The following TUT4 variants were observed in gnomAD, a reference collection of about 807,000 sequenced individuals.
TUT4 encodes the protein terminal uridylyltransferase 4.
A neutral mutation model predicts 192.2 loss-of-function variants in TUT4; 36 were observed. The ratio of observed to expected loss-of-function variants is 0.19; its 90% CI spans 0.14 to 0.25. TUT4 has a LOEUF of 0.25. Among genes scored for constraint, TUT4 ranks in the 10% least tolerant of loss-of-function variants. The pLI, the probability that TUT4 is intolerant of heterozygous loss-of-function variation, is 1.00. For missense variants in TUT4, 1,493 were observed against 1,957.2 expected, an observed-to-expected ratio of 0.76 and a Z score of 4.47; for synonymous variants, 618 against 666.0, an observed-to-expected ratio of 0.93 and a Z score of 1.11.
At position 52,547,064 on chromosome 1, in the gene TUT4, A is replaced by G. The variant is rs143798146; in HGVS notation, c.-94+5867T>C. Among the ~76,000 whole-genome samples, 501 of 151,292 alleles carry G rather than the reference A, an allele frequency of 3.3e-3. 4 individuals are homozygous for G. Among genetic ancestry groups the G allele is most frequent in the African/African-American group, 0.011 (464 of 41,140 alleles). On this transcript the variant is annotated intron_variant, in intron 1 of 29. Coordinates refer to ENST00000257177, the MANE Select transcript of TUT4 (RefSeq NM_001009881.3). ...GAGGCTAAGGCAGGAGGATCGCTTG[A>G]GGCCCAGGAGGTGGAGGCCAGAAGG... is the stretch of plus-strand genomic sequence containing the variant.
rs529564497 is a variant in TUT4 at position 52,451,672 on chromosome 1, G to T, written c.3436-5005C>A. ...GCCTGGCCAACATTGGTGAAACGCTGTCTCTACTAAAAATACAAAAATGAG... is the reference window on the plus strand; with the variant it reads ...GCCTGGCCAACATTGGTGAAACGCTTTCTCTACTAAAAATACAAAAATGAG... On this transcript the variant is annotated intron_variant, in intron 20 of 29. Coordinates refer to ENST00000257177, the MANE Select transcript of TUT4 (RefSeq NM_001009881.3). Among the ~76,000 whole-genome samples, 9 of 152,126 alleles carry T rather than the reference G, an allele frequency of 5.9e-5. No individual in the cohort carries two copies. The South Asian group carries it at 1.9e-3, about 32-fold the overall frequency.
At chr1:52,486,074 G>A (rs1046210672) in intron 9 of TUT4, among the ~76,000 whole-genome samples, 1 of 152,014 alleles carries the variant, frequency 6.6e-6, no homozygotes. Context: ...AAAATATTAA[G>A]ACAAGGGTAA....
chr1:52,499,947 T>TACACAC lies in TUT4; in HGVS notation c.1000-2770_1000-2765dup, dbSNP rs529026224. On this transcript the variant is annotated intron_variant, in intron 4 of 29. Transcript: ENST00000257177. ...ATATATACATATATATACATATATA[T>TACACAC]ACACACACACACATATATATATAAG... Among the ~76,000 whole-genome samples, 3 of 150,648 alleles carry TACACAC rather than the reference T, an allele frequency of 2.0e-5. 1 individual carries two copies. The highest frequency in any genetic ancestry group is 4.4e-5 in the Non-Finnish European group (3 of 67,782).
chr1:52,496,631 T>C (rs1672511527), intron 5 of TUT4, among the ~76,000 whole-genome samples: 1 of 152,126 alleles, frequency 6.6e-6, no homozygotes, highest in Non-Finnish European at 1.5e-5. Context: ...TTAAAGTAAA[T>C]TAATTTTTCC....
chr1:52,461,455 G>C, intron 18 of TUT4, 58 bp downstream of exon 18: 1 of 1,484,832 alleles, frequency 6.7e-7, no homozygotes, highest in Non-Finnish European at 9.3e-7. Flanking sequence ...CATAGAGTCA[G>C]TAATCTGTAA....
chr1:52,501,858 A>G (rs1674187483), intron 4 of TUT4, among the ~76,000 whole-genome samples: 1 of 152,222 alleles, frequency 6.6e-6, no homozygotes, highest in African/African-American at 2.4e-5. Flanking sequence ...TAAAGGATAA[A>G]TAATGTATGA....
At chr1:52,455,152 C>T (rs917122619) in intron 20 of TUT4, among the ~76,000 whole-genome samples, 7 of 152,006 alleles carry the variant, frequency 4.6e-5, no homozygotes, top group East Asian at 1.9e-4. Flanking sequence ...GACATGGTGG[C>T]TCATGTCTGT....
intron 4 of TUT4, among the ~76,000 whole-genome samples, chr1:52,508,327 CAAAA>C (rs34321361): frequency 1.3e-5 from 1 of 78,644 alleles, no homozygotes; most frequent in Non-Finnish European, 2.7e-5. Context: ...ACTCTGTCTC[CAAAA>C]AAAAAAAAAA....
At chr1:52,492,138 T>TA (rs1671316680) in intron 7 of TUT4, among the ~76,000 whole-genome samples, 3 of 152,116 alleles carry the variant, frequency 2.0e-5, no homozygotes, top group Admixed American at 2.0e-4. Flanking sequence ...GTAGTAAACT[T>TA]AAAAGTTTTT....
intron 4 of TUT4, among the ~76,000 whole-genome samples, chr1:52,500,988 T>C (rs890589296): frequency 2.6e-5 from 4 of 152,002 alleles, no homozygotes; most frequent in Non-Finnish European, 4.4e-5. Context: ...AACTAAGAAA[T>C]GTAAAATCAT....
In TUT4 at chr1:52,477,417, A is replaced by T. The variant is rs181672127; in HGVS notation, c.2023+291T>A. ...TGAGACCCCCATCTCTACAAAAAATAAAAAAAATTAGCTGGGCATGGTAGC... is the reference window on the plus strand; with the variant it reads ...TGAGACCCCCATCTCTACAAAAAATTAAAAAAATTAGCTGGGCATGGTAGC... On this transcript the variant is annotated intron_variant, in intron 12 of 29. Transcript: ENST00000257177. Among the ~76,000 whole-genome samples, 447 of 152,044 alleles carry T rather than the reference A, an allele frequency of 2.9e-3. 2 individuals are homozygous for T. Among genetic ancestry groups the T allele is most frequent in the African/African-American group, 0.01 (425 of 41,486 alleles).
chr1:52,505,169 C>T (rs1241197729), intron 4 of TUT4, among the ~76,000 whole-genome samples: 1 of 152,160 alleles, frequency 6.6e-6, no homozygotes, highest in East Asian at 1.9e-4. Flanking sequence ...TTTTCCATGG[C>T]AGCTACACTA....
intron 1 of TUT4, among the ~76,000 whole-genome samples, chr1:52,529,570 AT>A (rs200798292): frequency 0.012 from 1,873 of 152,312 alleles, 34 homozygotes; most frequent in African/African-American, 0.043. Flanking sequence ...TGCTATAACG[AT>A]TCTTTAATAA....
chr1:52,446,058 T>C (rs1336896346), intron 22 of TUT4, 54 bp from the exon 23 acceptor site: 1 of 1,535,828 alleles, frequency 6.5e-7, no homozygotes, highest in Non-Finnish European at 8.9e-7. Context: ...ACCATAAAAA[T>C]ATACTTAGAA....
chr1:52,550,725 G>A (rs978584548), intron 1 of TUT4, among the ~76,000 whole-genome samples: 2 of 151,898 alleles, frequency 1.3e-5, no homozygotes, highest in African/African-American at 2.4e-5. Context: ...AAACTCCTAC[G>A]CTCAAGCAAT....
intron 1 of TUT4, among the ~76,000 whole-genome samples, chr1:52,546,152 T>C (rs1187143377): frequency 6.6e-6 from 1 of 151,478 alleles, no homozygotes; most frequent in Non-Finnish European, 1.5e-5. Context: ...AATAAATAAA[T>C]AGAAGAAGAA....
Position 52,490,764 on chromosome 1 carries a change from T to G in TUT4, c.1356A>C (p.Lys452Asn). 5.0e-6 allele frequency: 8 copies of G among 1,612,916 alleles called. No individual in the cohort carries two copies. The highest frequency in any genetic ancestry group is 6.8e-6 in the Non-Finnish European group (8 of 1,179,610). ...GATCTCTGCACACCACAACAGGAAC[T>G]TTAGCGTGAAAATCAGATTCCACAT... ...YVDVESDFHAKVPVVVCRDRK... is the reference protein window; with the variant it reads ...YVDVESDFHANVPVVVCRDRK... Residue 452 changes from lysine (K) to asparagine (N), a missense_variant, in exon 8 of 30, where the codon AAA (lysine) becomes AAC (asparagine). Lys to Asn is a moderately conservative substitution (Grantham distance 94). Around this residue, in one of 7 missense-constraint regions of TUT4, gnomAD observed 437 missense variants for 577.6 expected, o/e 0.76. Transcript: ENST00000257177.
chr1:52,530,050 C>T (rs114420567), intron 1 of TUT4, among the ~76,000 whole-genome samples: 1,730 of 152,160 alleles, frequency 0.011, 31 homozygotes, highest in African/African-American at 0.039. Context: ...GCTATCTCAC[C>T]CAGGCTGGTT....
chr1:52,470,337 T>C (rs140460452), intron 14 of TUT4, among the ~76,000 whole-genome samples: 14 of 152,154 alleles, frequency 9.2e-5, no homozygotes, highest in African/African-American at 3.4e-4. Flanking sequence ...TGAGCCCACA[T>C]TGAGGTAAAT....
Sources: gnomAD v4.1 joint callset for allele counts (sites outside exome capture counted in the v4.1 genomes callset) on GRCh38, gnomAD v4.1.1 for gene constraint, gnomAD v4.1.1 regional missense constraint, MANE v1.5 for transcripts, NCBI Gene and HGNC (gene_info 2026-07-23, HGNC 2026-07-21) for gene names.